NRG1: variants seen among roughly 807,000 people sequenced by gnomAD.
NRG1 encodes the protein neuregulin 1.
Under a neutral mutation model 63.8 loss-of-function variants are expected in NRG1, and 18 were observed. The ratio of observed to expected loss-of-function variants is 0.28; its 90% CI spans 0.19 to 0.42. The LOEUF (loss-of-function observed/expected upper bound fraction) is 0.42. NRG1 is among the 10% of genes least tolerant of loss of function. The pLI is 1.00. For synonymous variants in NRG1, 302 were observed against 301.3 expected (o/e 1.00, Z -0.02); for missense variants, 762 against 814.7 (o/e 0.94, Z 0.79).
chr8:32,740,590 A>T (rs985692073), intron 6 of NRG1, among the ~76,000 whole-genome samples: 1 of 152,162 alleles, frequency 6.6e-6, no homozygotes, highest in African/African-American at 2.4e-5. Context: ...CCGTTTACTT[A>T]TATGAAGGTG....
intron 1 of NRG1, among the ~76,000 whole-genome samples, chr8:32,490,716 T>C (rs371320374): frequency 2.0e-5 from 3 of 152,258 alleles, no homozygotes; most frequent in African/African-American, 7.2e-5. Context: ...TTAACACCCT[T>C]TTTGTGTTCA....
chr8:31,896,655 C>T (rs62508656), intron 1 of NRG1, among the ~76,000 whole-genome samples: 35,322 of 152,092 alleles, frequency 0.23, 5,367 homozygotes, highest in East Asian at 0.68. Context: ...TGATCTGGGC[C>T]CTGAAGTTGC....
At chr8:32,647,705 T>C (rs1403886715) in intron 5 of NRG1, 1 of 1,539,170 alleles carries the variant, frequency 6.5e-7, no homozygotes, top group Admixed American at 2.1e-5. Flanking sequence ...GGCCTTCTTC[T>C]GGAGGTGAGC....
rs577919492 is a variant in NRG1, at chr8:32,315,811, A to G, written c.38-280017A>G. On this transcript the variant is annotated intron_variant, in intron 1 of 10. Transcript: ENST00000519301. ...TCCAGCAGACTGGCAGGGACCTGAT[A>G]TGAACATCACAGAGGAAAAAAACAC... Among the ~76,000 whole-genome samples the G allele has an allele frequency of 3.3e-5, 5 of 152,340 alleles. No homozygotes were observed. The South Asian group carries it at 1.0e-3, about 32-fold the overall frequency.
chr8:32,119,013 A>G (rs562080137), intron 1 of NRG1, among the ~76,000 whole-genome samples: 29 of 152,256 alleles, frequency 1.9e-4, no homozygotes, highest in Middle Eastern at 3.4e-3. Flanking sequence ...TCATTGTCCA[A>G]CTGAATAAAT....
intron 1 of NRG1, among the ~76,000 whole-genome samples, chr8:32,054,665 G>T (rs950026087): frequency 2.0e-5 from 3 of 152,054 alleles, no homozygotes; most frequent in Non-Finnish European, 4.4e-5. Context: ...TTATAGATCA[G>T]TTCTACACTG....
intron 1 of NRG1, among the ~76,000 whole-genome samples, chr8:31,878,955 G>A (rs577701085): frequency 1.6e-4 from 24 of 152,012 alleles, no homozygotes; most frequent in Admixed American, 4.6e-4. Context: ...AGCCGAGATC[G>A]CGCTACTGCA....
intron 1 of NRG1, among the ~76,000 whole-genome samples, chr8:32,519,416 A>G (rs1362626767): frequency 4.2e-5 from 6 of 141,764 alleles, no homozygotes; most frequent in Non-Finnish European, 9.5e-5. Flanking sequence ...TGTAGTACGT[A>G]TAACTGATTT....
intron 1 of NRG1, among the ~76,000 whole-genome samples, chr8:31,753,988 C>T (rs902608757): frequency 6.6e-6 from 1 of 152,094 alleles, no homozygotes; most frequent in Non-Finnish European, 1.5e-5. Flanking sequence ...TGTTTTGTTT[C>T]TAACAACTTA....
At chr8:32,276,609 G>A (rs1852123343) in intron 1 of NRG1, among the ~76,000 whole-genome samples, 3 of 152,100 alleles carry the variant, frequency 2.0e-5, no homozygotes, top group Non-Finnish European at 2.9e-5. Context: ...GGGCACAAAT[G>A]ACCTTCTGCC....
intron 1 of NRG1, among the ~76,000 whole-genome samples, chr8:31,754,080 A>G (rs1240454211): frequency 6.6e-6 from 1 of 152,136 alleles, no homozygotes; most frequent in Non-Finnish European, 1.5e-5. Context: ...ATGCACCCAG[A>G]GAACTTAAAA....
At chr8:31,860,090 T>C (rs1828331219) in intron 1 of NRG1, among the ~76,000 whole-genome samples, 1 of 152,220 alleles carries the variant, frequency 6.6e-6, no homozygotes, top group Non-Finnish European at 1.5e-5. Flanking sequence ...GATCCAAATG[T>C]ATTTGTCATG....
At chr8:31,711,905 G>C (rs1173204217) in intron 1 of NRG1, among the ~76,000 whole-genome samples, 2 of 152,078 alleles carry the variant, frequency 1.3e-5, no homozygotes, top group Non-Finnish European at 2.9e-5. Context: ...ATGCTTAAAG[G>C]CTCTGCCCAC....
At chr8:32,500,875 T>C (rs1196303844) in intron 1 of NRG1, among the ~76,000 whole-genome samples, 1 of 152,178 alleles carries the variant, frequency 6.6e-6, no homozygotes, top group Non-Finnish European at 1.5e-5. Flanking sequence ...TTCAGTCCCA[T>C]GTAATTAATT....
chr8:32,411,594 T>C (rs1311337848), intron 1 of NRG1, among the ~76,000 whole-genome samples: 1 of 152,208 alleles, frequency 6.6e-6, no homozygotes. Flanking sequence ...TTGACCTTCA[T>C]TAGGGCATTA....
At chr8:32,623,629 G>A (rs1848701689) in intron 5 of NRG1, among the ~76,000 whole-genome samples, 1 of 152,146 alleles carries the variant, frequency 6.6e-6, no homozygotes, top group East Asian at 1.9e-4. Flanking sequence ...CAGATTTTTA[G>A]GATACTAGAG....
chr8:31,972,612 C>T (rs1298419498), intron 1 of NRG1, among the ~76,000 whole-genome samples: 1 of 152,066 alleles, frequency 6.6e-6, no homozygotes, highest in East Asian at 1.9e-4. Flanking sequence ...CTTGAATTTC[C>T]CTTTCACCAG....
chr8:32,323,958 C>T (rs996785657), intron 1 of NRG1, among the ~76,000 whole-genome samples: 2 of 152,186 alleles, frequency 1.3e-5, no homozygotes, highest in East Asian at 1.9e-4. Flanking sequence ...TCCTATCACA[C>T]ATCTTCCTCA....
intron 1 of NRG1, among the ~76,000 whole-genome samples, chr8:32,013,231 G>A (rs118114404): frequency 0.014 from 2,067 of 152,164 alleles, 15 homozygotes; most frequent in Middle Eastern, 0.037. Flanking sequence ...GGAAGGGCAG[G>A]AGAGTCTTCC....
Sources: gnomAD v4.1 joint callset for allele counts (sites outside exome capture counted in the v4.1 genomes callset) on GRCh38, gnomAD v4.1.1 for gene constraint, MANE v1.5 for transcripts, NCBI Gene and HGNC (gene_info 2026-07-23, HGNC 2026-07-21) for gene names.